STK4: variants seen among roughly 807,000 people sequenced by gnomAD.
STK4 encodes the protein serine/threonine-protein kinase 4.
STK4 carries 30 observed loss-of-function variants against 64.9 expected under a neutral mutation model. The observed-to-expected ratio is 0.46, with a 90% CI of 0.35 to 0.63. The LOEUF is 0.63. STK4 is among the 20% of genes least tolerant of loss of function. The pLI is 0.01. For synonymous variants in STK4, 177 were observed against 199.0 expected (o/e 0.89, Z 0.93); for missense variants, 466 against 598.5 (o/e 0.78, Z 2.31).
At chr20:44,967,245 C>T (rs1270643744) in intron 1 of STK4, 2 of 984,806 alleles carry the variant, frequency 2.0e-6, no homozygotes, top group African/African-American at 3.5e-5. Context: ...ACATCCTCCT[C>T]AGCTCTTCAG....
intron 9 of STK4, among the ~76,000 whole-genome samples, chr20:45,018,202 AGTT>A (rs555205856): frequency 1.4e-4 from 21 of 152,016 alleles, no homozygotes; most frequent in East Asian, 9.7e-4. Flanking sequence ...GGATTACCAG[AGTT>A]GTTGTTGTTG....
intron 4 of STK4, among the ~76,000 whole-genome samples, chr20:44,984,614 A>G (rs2067500462): frequency 6.6e-6 from 1 of 152,204 alleles, no homozygotes; most frequent in Admixed American, 6.5e-5. Flanking sequence ...AAATGTGGCT[A>G]GTCTGAACTG....
chr20:45,066,541 C>T (rs1979592684), intron 10 of STK4, among the ~76,000 whole-genome samples: 1 of 152,180 alleles, frequency 6.6e-6, no homozygotes, highest in African/African-American at 2.4e-5. Flanking sequence ...ATCACCATGC[C>T]TGCTTGAAGC....
At chr20:45,048,036 T>C (rs192878478) in intron 10 of STK4, among the ~76,000 whole-genome samples, 1 of 152,308 alleles carries the variant, frequency 6.6e-6, no homozygotes, top group East Asian at 1.9e-4. Context: ...AAAGAGCTTG[T>C]GTAAAGTGTG....
chr20:45,068,244 G>C (rs1979754090), intron 10 of STK4, among the ~76,000 whole-genome samples: 2 of 152,192 alleles, frequency 1.3e-5, no homozygotes, highest in Admixed American at 1.3e-4. Flanking sequence ...TAACACCAGT[G>C]CTCTTGCCCC....
chr20:45,073,633 G>A (rs2145488705), intron 10 of STK4, among the ~76,000 whole-genome samples: 1 of 152,280 alleles, frequency 6.6e-6, no homozygotes, highest in South Asian at 2.1e-4. Context: ...AACTGGTTGT[G>A]AGCACACAGA....
At chr20:45,011,457 A>G (rs2068041691) in intron 9 of STK4, among the ~76,000 whole-genome samples, 1 of 151,958 alleles carries the variant, frequency 6.6e-6, no homozygotes, top group African/African-American at 2.4e-5. Flanking sequence ...GAGATTGGAT[A>G]CCTCATACTT....
At chr20:45,025,751 A>G (rs749938284) in intron 10 of STK4, among the ~76,000 whole-genome samples, 6 of 152,194 alleles carry the variant, frequency 3.9e-5, no homozygotes, top group Non-Finnish European at 7.3e-5. Context: ...CTATTACTAG[A>G]AAAGATTTTT....
In STK4 at chr20:44,978,351, A is replaced by G. The variant is rs1015987688; in HGVS notation, c.117-92A>G. ...ATATGTATTAGGCACTTAGGGATAT[A>G]TGTTAGAACTATCAGTTGCTTGTGT... On this transcript the variant is annotated intron_variant, in intron 2 of 10. Coordinates refer to ENST00000372806, the MANE Select transcript of STK4 (RefSeq NM_006282.5). The G allele has an allele frequency of 2.0e-5, 29 of 1,464,298 alleles. No homozygotes were observed. The South Asian group carries it at 4.0e-4, about 20-fold the overall frequency. 90.7% of individuals were successfully genotyped at this position (1,464,298 alleles called of 1,614,324 possible). A position where few individuals can be genotyped will look rare whatever the true frequency, so the allele number is the denominator to read the frequency against.
chr20:44,982,358 C>T (rs947614841), intron 4 of STK4, among the ~76,000 whole-genome samples: 1 of 151,122 alleles, frequency 6.6e-6, no homozygotes, highest in African/African-American at 2.4e-5. Flanking sequence ...TGGTTTCGAA[C>T]TCCTGGCCTC....
At chr20:45,062,419 T>C (rs1979116134) in intron 10 of STK4, among the ~76,000 whole-genome samples, 1 of 152,344 alleles carries the variant, frequency 6.6e-6, no homozygotes, top group East Asian at 1.9e-4. Flanking sequence ...TCTTCATGAT[T>C]TATATTCCTT....
chr20:45,053,075 T>G, intron 10 of STK4: 1 of 1,606,064 alleles, frequency 6.2e-7, no homozygotes, highest in Middle Eastern at 1.7e-4. Flanking sequence ...TTTTGTGCTC[T>G]TTTCTTTCAG....
At chr20:45,020,466 GTATGTTTATGTT>G (rs66633937) in intron 9 of STK4, among the ~76,000 whole-genome samples, 160 of 89,078 alleles carry the variant, frequency 1.8e-3, no homozygotes, top group South Asian at 2.9e-3. Context: ...GTGTGTGTGT[GTATGTTTATGTT>G]TATGTTTATG....
At chr20:45,052,166 AATGT>A (rs1470249209) in intron 10 of STK4, among the ~76,000 whole-genome samples, 1 of 152,188 alleles carries the variant, frequency 6.6e-6, no homozygotes, top group Admixed American at 6.5e-5. Flanking sequence ...GCTCTTCTAT[AATGT>A]TACAATGCTA....
At position 45,048,425 on chromosome 20, in the gene STK4, C is replaced by T. The variant is rs114554054; in HGVS notation, c.1305+23295C>T. The stretch of plus-strand genomic sequence containing the variant: ...GGGAAAGATACTGAGGTGGGCTGCC[C>T]TAAAAAAGGAAGGTAAGAGGAAGAC... On this transcript the variant is annotated intron_variant, in intron 10 of 10. Transcript: ENST00000372806. 9.6e-3 allele frequency among the ~76,000 whole-genome samples: 1,448 copies of T among 151,334 alleles called. 30 individuals carry two copies. Among genetic ancestry groups the T allele is most frequent in the African/African-American group, 0.033 (1,367 of 41,214 alleles).
chr20:45,042,970 C>T (rs1410814251), intron 10 of STK4, among the ~76,000 whole-genome samples: 1 of 152,050 alleles, frequency 6.6e-6, no homozygotes, highest in African/African-American at 2.4e-5. Context: ...GCCCAGCATC[C>T]ATTAGCTATT....
chr20:45,062,315 T>C (rs942965223), intron 10 of STK4, among the ~76,000 whole-genome samples: 1 of 152,232 alleles, frequency 6.6e-6, no homozygotes, highest in Non-Finnish European at 1.5e-5. Context: ...TGGACCATAT[T>C]TTCTTTATCC....
At chr20:44,984,423 C>G (rs373190799) in intron 4 of STK4, among the ~76,000 whole-genome samples, 1 of 151,942 alleles carries the variant, frequency 6.6e-6, no homozygotes, top group Non-Finnish European at 1.5e-5. Flanking sequence ...AGGATGGTCT[C>G]GATTTCCTGA....
intron 10 of STK4, among the ~76,000 whole-genome samples, chr20:45,062,806 T>C (rs1325976933): frequency 6.6e-6 from 1 of 150,788 alleles, no homozygotes; most frequent in Non-Finnish European, 1.5e-5. Context: ...GCCTCCCAAG[T>C]AGCTGGGACT....
Sources: allele counts gnomAD v4.1 joint callset (sites outside exome capture counted in the v4.1 genomes callset), GRCh38; gene constraint gnomAD v4.1.1; transcripts MANE v1.5; gene names NCBI Gene and HGNC (gene_info 2026-07-23, HGNC 2026-07-21).